Variants in ROBO1 observed in about 807,000 individuals in gnomAD.
ROBO1 encodes the protein roundabout guidance receptor 1, also known as roundabout homolog 1.
A neutral mutation model predicts 195.9 loss-of-function variants in ROBO1; 149 were observed. The observed-to-expected ratio is 0.76, with a 90% CI of 0.67 to 0.87. ROBO1 has a LOEUF of 0.87. ROBO1 is among the 40% of genes least tolerant of loss of function. ROBO1 has a pLI of 0.00. For missense variants in ROBO1, 1,933 were observed against 2,068.3 expected (o/e 0.93, Z 1.27); for synonymous variants, 816 against 733.2 (o/e 1.11, Z -1.82).
chr3:79,175,212 A>ATG (rs2081244562), intron 2 of ROBO1, among the ~76,000 whole-genome samples: 1 of 152,170 alleles, frequency 6.6e-6, no homozygotes, highest in East Asian at 1.9e-4. Flanking sequence ...CTTATAATAA[A>ATG]ATTAGTATAG....
intron 4 of ROBO1, among the ~76,000 whole-genome samples, chr3:78,883,032 T>G (rs946184472): frequency 4.6e-5 from 7 of 151,890 alleles, no homozygotes; most frequent in Non-Finnish European, 7.4e-5. Context: ...AGGCCGGTCT[T>G]GAACTCCTGA....
intron 1 of ROBO1, among the ~76,000 whole-genome samples, chr3:79,728,135 TCCC>T (rs10601245): frequency 1.7e-4 from 26 of 151,568 alleles, no homozygotes; most frequent in African/African-American, 2.2e-4. Flanking sequence ...TTTAGATATA[TCCC>T]CCCCCCCACA....
At chr3:78,822,758 T>C (rs1310868905) in intron 4 of ROBO1, among the ~76,000 whole-genome samples, 1 of 152,256 alleles carries the variant, frequency 6.6e-6, no homozygotes, top group East Asian at 1.9e-4. Context: ...GAGGAGAGTT[T>C]TGTTTATACT....
intron 2 of ROBO1, among the ~76,000 whole-genome samples, chr3:79,542,526 C>T (rs1255103978): frequency 6.6e-6 from 1 of 151,958 alleles, no homozygotes; most frequent in Non-Finnish European, 1.5e-5. Flanking sequence ...ATCTTCAATT[C>T]ATAATATATA....
At chr3:79,424,487 T>C (rs2106960515) in intron 2 of ROBO1, among the ~76,000 whole-genome samples, 1 of 152,246 alleles carries the variant, frequency 6.6e-6, no homozygotes, top group East Asian at 1.9e-4. Context: ...AGTCATTTGT[T>C]TCTTCATGTA....
chr3:79,200,176 G>A (rs981729215), intron 2 of ROBO1, among the ~76,000 whole-genome samples: 1 of 151,666 alleles, frequency 6.6e-6, no homozygotes, highest in Non-Finnish European at 1.5e-5. Context: ...AAAAGGATTA[G>A]TCACCATTTA....
At chr3:79,554,713 T>G (rs559392352) in intron 2 of ROBO1, among the ~76,000 whole-genome samples, 1 of 152,140 alleles carries the variant, frequency 6.6e-6, no homozygotes, top group East Asian at 1.9e-4. Flanking sequence ...AAGGAAAGAC[T>G]TTAGGAAGAT....
At chr3:79,288,820 G>T (rs773768689) in intron 2 of ROBO1, among the ~76,000 whole-genome samples, 3 of 151,776 alleles carry the variant, frequency 2.0e-5, no homozygotes, top group Non-Finnish European at 4.4e-5. Flanking sequence ...ACTCAGTTTA[G>T]ATTGCACTCA....
At chr3:78,671,792 C>T (rs1708079770) in intron 10 of ROBO1, among the ~76,000 whole-genome samples, 2 of 151,900 alleles carry the variant, frequency 1.3e-5, no homozygotes, top group South Asian at 4.1e-4. Flanking sequence ...TAATTAAGTC[C>T]AGTAGAAGAA....
chr3:79,023,900 C>T (rs557939448), intron 3 of ROBO1, among the ~76,000 whole-genome samples: 3 of 148,988 alleles, frequency 2.0e-5, no homozygotes, highest in East Asian at 4.0e-4. Flanking sequence ...TTAGTAGAGA[C>T]GGGGTTTCAC....
intron 4 of ROBO1, among the ~76,000 whole-genome samples, chr3:78,843,404 G>C (rs962634593): frequency 6.6e-6 from 1 of 152,016 alleles, no homozygotes; most frequent in Non-Finnish European, 1.5e-5. Flanking sequence ...AGACTGTTAA[G>C]GAGGAGTGAA....
intron 3 of ROBO1, among the ~76,000 whole-genome samples, chr3:78,964,661 T>C (rs948861008): frequency 6.6e-6 from 1 of 151,860 alleles, no homozygotes; most frequent in Admixed American, 6.6e-5. Flanking sequence ...CCTGAGAAGA[T>C]AACCATCCCC....
chr3:78,959,122 C>T (rs570657881), intron 3 of ROBO1, among the ~76,000 whole-genome samples: 1 of 152,138 alleles, frequency 6.6e-6, no homozygotes, highest in South Asian at 2.1e-4. Flanking sequence ...CTTAATAAGT[C>T]AAGTGGAACA....
At chr3:79,517,858 T>G (rs1350643008) in intron 2 of ROBO1, among the ~76,000 whole-genome samples, 1 of 152,194 alleles carries the variant, frequency 6.6e-6, no homozygotes, top group African/African-American at 2.4e-5. Context: ...TGCTGATGGA[T>G]TAATGAGGGA....
At chr3:79,381,373 A>AAGAAAAG (rs1553730431) in intron 2 of ROBO1, among the ~76,000 whole-genome samples, 1 of 115,424 alleles carries the variant, frequency 8.7e-6, no homozygotes, top group African/African-American at 3.3e-5. Context: ...AAAAAAAAAA[A>AAGAAAAG]AAAAGAAAAG....
At chr3:78,673,582 A>ATG (rs1708214203) in intron 10 of ROBO1, among the ~76,000 whole-genome samples, 1 of 64,128 alleles carries the variant, frequency 1.6e-5, no homozygotes, top group Non-Finnish European at 3.4e-5. Flanking sequence ...ATATATATAT[A>ATG]TATATATATA....
intron 19 of ROBO1, among the ~76,000 whole-genome samples, chr3:78,648,375 A>G (rs1205731768): frequency 1.3e-5 from 2 of 152,120 alleles, no homozygotes; most frequent in African/African-American, 4.8e-5. Context: ...GTTTACTTTT[A>G]GAAGCTTCCT....
At chr3:79,388,316 G>T (rs1026727223) in intron 2 of ROBO1, among the ~76,000 whole-genome samples, 1 of 151,902 alleles carries the variant, frequency 6.6e-6, no homozygotes, top group African/African-American at 2.4e-5. Context: ...TAATTAAAAA[G>T]GGATAGAGAT....
chr3:78,914,884 C>T lies in ROBO1; in HGVS notation c.499+23717G>A, dbSNP rs1241076132. Among the ~76,000 whole-genome samples the T allele has an allele frequency of 4.6e-5, 7 of 150,870 alleles. No individual in the cohort carries two copies. The East Asian group carries it at 9.7e-4, about 21-fold the overall frequency. ...CATTCTTAAGGTAAGATAATAAATG[C>T]CATATCAATTATCTATTATATAATA... On this transcript the variant is annotated intron_variant, in intron 4 of 30. Coordinates refer to ENST00000464233, the MANE Select transcript of ROBO1 (RefSeq NM_002941.4).
Sources: allele counts gnomAD v4.1 joint callset (sites outside exome capture counted in the v4.1 genomes callset), GRCh38; gene constraint gnomAD v4.1.1; transcripts MANE v1.5; gene names NCBI Gene and HGNC (gene_info 2026-07-23, HGNC 2026-07-21).